Variants in ULK4 observed in about 807,000 individuals in gnomAD.
ULK4 encodes inactive serine/threonine-protein kinase ULK4.
In ULK4, 133 loss-of-function variants were observed where a neutral mutation model predicts 160.6. The observed-to-expected ratio is 0.83, with a 90% CI of 0.72 to 0.96. The LOEUF (loss-of-function observed/expected upper bound fraction) is 0.96, where lower values mean the gene tolerates loss of function less well. Among genes scored for constraint, ULK4 ranks in the 40% least tolerant of loss-of-function variants. The probability of loss-of-function intolerance (pLI) is 0.00; values close to 1 mark genes in which losing one functional copy is unlikely to be tolerated. For missense variants in ULK4, 1,580 were observed against 1,499.5 expected (o/e 1.05, Z -0.89); for synonymous variants, 534 against 539.8 (o/e 0.99, Z 0.15).
At position 41,898,479 on chromosome 3, in the gene ULK4, G is replaced by A. The variant is rs950431196; in HGVS notation, c.1301C>T (p.Pro434Leu). The change falls in exon 14 of 37, where the codon CCA becomes CTA. Residue 434 changes from proline to leucine, a missense_variant. Transcript: ENST00000301831. Reference sequence around the variant, plus strand: ...TATTTTTGCATCAAATTTAACTGGTGGCTGTTTCATTATCTGTGGTTTAAA... The same window carrying A: ...TATTTTTGCATCAAATTTAACTGGTAGCTGTTTCATTATCTGTGGTTTAAA... ...IIDNPKIMKQ[P>L]PVKFDAKILH... 2.5e-6 allele frequency: 4 copies of A among 1,594,528 alleles called. No homozygotes were observed. The Admixed American group carries it at 5.3e-5, about 21-fold the overall frequency.
intron 1 of ULK4, among the ~76,000 whole-genome samples, 171 bp from the exon 2 acceptor site, chr3:41,954,978 C>T (rs1700434146): frequency 6.6e-6 from 1 of 152,148 alleles, no homozygotes; most frequent in Admixed American, 6.5e-5. Context: ...GCAGGATGAA[C>T]GAAACTACGG....
rs2080933912 is a variant in ULK4 at position 41,352,646 on chromosome 3, C to T, written c.3678+45433G>A. On this transcript the variant is annotated intron_variant, in intron 35 of 36. Coordinates refer to ENST00000301831, the MANE Select transcript of ULK4 (RefSeq NM_017886.4). ...CCAAGAAGCAGCCAAAAATAGTAAA[C>T]ACCATACTAACTTCCCCTCCCAGGA... 3.3e-5 allele frequency among the ~76,000 whole-genome samples: 5 copies of T among 152,260 alleles called. No homozygotes were observed. In the South Asian group the frequency reaches 1.0e-3, roughly 32 times the overall value.
chr3:41,942,604 G>A (rs1173048911), intron 2 of ULK4, among the ~76,000 whole-genome samples: 1 of 151,812 alleles, frequency 6.6e-6, no homozygotes, highest in Non-Finnish European at 1.5e-5. Context: ...GATCACCTGA[G>A]GTCAGGAGTT....
rs187788008 is a variant in ULK4 at position 41,513,373 on chromosome 3, C to A, written c.3227-50120G>T. 2.8e-4 allele frequency among the ~76,000 whole-genome samples: 42 copies of A among 152,284 alleles called. No homozygotes were observed. The East Asian group carries it at 6.9e-3, about 25-fold the overall frequency. Reference sequence around the variant, plus strand: ...GCAGAGTTGGCCAGGTGTGGTGGCTCACACCTGTAATCCCAGCACTTTGGG... The same window carrying A: ...GCAGAGTTGGCCAGGTGTGGTGGCTAACACCTGTAATCCCAGCACTTTGGG... On this transcript the variant is annotated intron_variant, in intron 32 of 36. Coordinates refer to ENST00000301831, the MANE Select transcript of ULK4 (RefSeq NM_017886.4).
intron 17 of ULK4, among the ~76,000 whole-genome samples, chr3:41,855,285 C>G (rs1338778804): frequency 6.7e-6 from 1 of 148,220 alleles, no homozygotes; most frequent in Non-Finnish European, 1.5e-5. Context: ...AAACCACAAA[C>G]AAAACCTGAT....
At chr3:41,424,510 C>G (rs1208035262) in intron 34 of ULK4, among the ~76,000 whole-genome samples, 2 of 152,154 alleles carry the variant, frequency 1.3e-5, no homozygotes, top group African/African-American at 4.8e-5. Context: ...TATACAAGAG[C>G]ATTCCAACTG....
At chr3:41,707,774 G>A (rs2036951012) in intron 25 of ULK4, among the ~76,000 whole-genome samples, 1 of 151,948 alleles carries the variant, frequency 6.6e-6, no homozygotes, top group African/African-American at 2.4e-5. Context: ...GCTGCAGTGG[G>A]CTATGACGGT....
In ULK4 at chr3:41,774,973, C is replaced by CA. The variant is rs564136429; in HGVS notation, c.2193+14687dup. On this transcript the variant is annotated intron_variant, in intron 21 of 36. Transcript: ENST00000301831. ...CATTCTCAGTAAACTATTGCAAGGA[C>CA]AAAAAACCAAACACCGCATGTTCTC... 2.1e-3 allele frequency among the ~76,000 whole-genome samples: 312 copies of CA among 148,590 alleles called. 19 individuals are homozygous for CA. The highest frequency in any genetic ancestry group is 7.7e-3 in the African/African-American group (299 of 38,984).
intron 7 of ULK4, among the ~76,000 whole-genome samples, chr3:41,917,179 A>G (rs77568838): frequency 2.4e-3 from 369 of 152,272 alleles, no homozygotes; most frequent in African/African-American, 7.9e-3. Flanking sequence ...TTAGTTATAT[A>G]CCATATCCAG....
At chr3:41,675,588 T>TCAAAA (rs999097763) in intron 29 of ULK4, among the ~76,000 whole-genome samples, 10 of 151,938 alleles carry the variant, frequency 6.6e-5, no homozygotes, top group African/African-American at 1.7e-4. Flanking sequence ...AGACTCTATC[T>TCAAAA]CAAAACAAAA....
At chr3:41,808,082 C>T (rs767104840) in intron 19 of ULK4, among the ~76,000 whole-genome samples, 9 of 152,090 alleles carry the variant, frequency 5.9e-5, no homozygotes, top group Non-Finnish European at 1.2e-4. Flanking sequence ...CTGGGGAATG[C>T]TAAGCTTCCT....
chr3:41,383,270 T>C (rs1343445033), intron 35 of ULK4, among the ~76,000 whole-genome samples: 2 of 152,080 alleles, frequency 1.3e-5, no homozygotes, highest in African/African-American at 4.8e-5. Flanking sequence ...GGCTAATTTT[T>C]ATATTTTAAG....
rs149124189 is a variant in ULK4 at position 41,299,807 on chromosome 3, C to T, written c.3679-50233G>A. 8.5e-4 allele frequency among the ~76,000 whole-genome samples: 130 copies of T among 152,224 alleles called. 1 individual carries two copies. The East Asian group carries it at 0.024, about 28-fold the overall frequency. On this transcript the variant is annotated intron_variant, in intron 35 of 36. Coordinates refer to ENST00000301831, the MANE Select transcript of ULK4 (RefSeq NM_017886.4). ...TTATTATAATAATCACTAATAGCTACAAAATATTCCACTGAAGGAATACAG... is the reference window on the plus strand; with the variant it reads ...TTATTATAATAATCACTAATAGCTATAAAATATTCCACTGAAGGAATACAG...
At chr3:41,922,391 G>A (rs1162139579) in intron 5 of ULK4, among the ~76,000 whole-genome samples, 1 of 152,138 alleles carries the variant, frequency 6.6e-6, no homozygotes, top group East Asian at 1.9e-4. Context: ...GGAGACTGAG[G>A]TGGGGGAATC....
intron 21 of ULK4, among the ~76,000 whole-genome samples, chr3:41,776,221 A>G (rs766252085): frequency 6.6e-6 from 1 of 150,992 alleles, no homozygotes. Context: ...AAGTTTACTG[A>G]CCATTCCAAT....
intron 17 of ULK4, among the ~76,000 whole-genome samples, chr3:41,868,713 T>G (rs149423429): frequency 0.01 from 1,576 of 152,132 alleles, 33 homozygotes; most frequent in African/African-American, 0.036. Context: ...GTCAGAGTGA[T>G]CTTGAACTTC....
intron 35 of ULK4, among the ~76,000 whole-genome samples, chr3:41,273,356 C>T (rs1221553666): frequency 6.6e-6 from 1 of 152,108 alleles, no homozygotes; most frequent in Non-Finnish European, 1.5e-5. Context: ...TTCTAGTTTG[C>T]CTGGTGGGAA....
Position 41,831,399 on chromosome 3 carries a change from A to C in ULK4, c.1764+4465T>G, listed in dbSNP as rs907446962. 3.4e-5 allele frequency among the ~76,000 whole-genome samples: 5 copies of C among 147,032 alleles called. No homozygotes were observed. The East Asian group carries it at 9.7e-4, about 29-fold the overall frequency. ...TTATTAAGAAACAGCTCCAGTGTAC[A>C]TATCTCCATATACTAGTCGTTTTTT... On this transcript the variant is annotated intron_variant, in intron 18 of 36. Coordinates refer to ENST00000301831, the MANE Select transcript of ULK4 (RefSeq NM_017886.4).
At chr3:41,329,579 A>G (rs1315984021) in intron 35 of ULK4, among the ~76,000 whole-genome samples, 1 of 146,930 alleles carries the variant, frequency 6.8e-6, no homozygotes, top group Non-Finnish European at 1.5e-5. Flanking sequence ...AGAAATCTAT[A>G]AAAAATTGAA....
Sources: allele counts gnomAD v4.1 joint callset (sites outside exome capture counted in the v4.1 genomes callset), GRCh38; gene constraint gnomAD v4.1.1; transcripts MANE v1.5; gene names NCBI Gene and HGNC (gene_info 2026-07-23, HGNC 2026-07-21).